Variants in IGF2R observed in about 807,000 individuals in gnomAD.
IGF2R encodes insulin like growth factor 2 receptor.
A neutral mutation model predicts 270.6 loss-of-function variants in IGF2R; 91 were observed. The ratio of observed to expected loss-of-function variants is 0.34; its 90% CI spans 0.28 to 0.40. IGF2R has a LOEUF of 0.40. Among genes scored for constraint, IGF2R ranks in the 10% least tolerant of loss-of-function variants. The pLI is 1.00. For synonymous variants in IGF2R, 1,316 were observed against 1,258.9 expected (o/e 1.05, Z -0.96); for missense variants, 2,805 against 3,188.3 (o/e 0.88, Z 2.90).
intron 11 of IGF2R, among the ~76,000 whole-genome samples, chr6:160,042,791 C>T (rs1360418376): frequency 1.3e-5 from 2 of 152,214 alleles, no homozygotes; most frequent in African/African-American, 4.8e-5. Flanking sequence ...TGATGTACCA[C>T]TCTACTGCGT....
intron 29 of IGF2R, among the ~76,000 whole-genome samples, chr6:160,065,814 G>GTGTGTGCATATATATATATATA: frequency 1.3e-5 from 1 of 78,392 alleles, no homozygotes; most frequent in Non-Finnish European, 2.3e-5. Flanking sequence ...GTGTGTGTGT[G>GTGTGTGCATATATATATATATA]TATATATATA....
intron 1 of IGF2R, among the ~76,000 whole-genome samples, chr6:159,985,934 C>T (rs1783875292): frequency 2.0e-5 from 3 of 152,180 alleles, no homozygotes; most frequent in East Asian, 3.8e-4. Context: ...GAAGAACCAG[C>T]GTTCTTGGAA....
chr6:160,085,264 G>A lies in IGF2R; in HGVS notation c.6205+133G>A, dbSNP rs1779075538. On this transcript the variant is annotated intron_variant, in intron 41 of 47. Coordinates refer to ENST00000356956, the MANE Select transcript of IGF2R (RefSeq NM_000876.4). ...CCTCCAGATATGATTGCCTGTCACT[G>A]TCTCACAGGCATTTTGGCTCTCCTG... 3.3e-6 allele frequency: 3 copies of A among 914,262 alleles called. No homozygotes were observed. In the East Asian group the frequency reaches 8.0e-5, roughly 24 times the overall value. The allele number at this position is 914,262 out of a possible 1,614,324, so 56.6% of individuals were successfully genotyped here. A position where few individuals can be genotyped will look rare whatever the true frequency, so the allele number is the denominator to read the frequency against.
chr6:160,041,037 A>G (rs542206665), intron 11 of IGF2R, among the ~76,000 whole-genome samples: 1 of 152,048 alleles, frequency 6.6e-6, no homozygotes, highest in Non-Finnish European at 1.5e-5. Flanking sequence ...AGGCAGATGG[A>G]TGTGCACCTT....
intron 3 of IGF2R, 78 bp downstream of exon 3, chr6:160,009,212 T>C (rs1784294847): frequency 2.3e-6 from 3 of 1,288,466 alleles, no homozygotes; most frequent in Admixed American, 5.0e-5. Flanking sequence ...TGTAGAGGTA[T>C]TCCAGGAAGA....
At chr6:160,065,780 GTA>G (rs200509960) in intron 29 of IGF2R, among the ~76,000 whole-genome samples, 4,834 of 103,214 alleles carry the variant, frequency 0.047, 115 homozygotes, top group Non-Finnish European at 0.064. Context: ...AGAGATATGT[GTA>G]TGTGTGTGTG....
At chr6:160,090,958 G>A (rs1274573218) in intron 44 of IGF2R, among the ~76,000 whole-genome samples, 2 of 148,502 alleles carry the variant, frequency 1.3e-5, no homozygotes, top group Non-Finnish European at 3.0e-5. Flanking sequence ...TCGCCGAGAA[G>A]GAGCGGGTGC....
At chr6:159,973,676 A>G (rs1783646843) in intron 1 of IGF2R, among the ~76,000 whole-genome samples, 1 of 152,164 alleles carries the variant, frequency 6.6e-6, no homozygotes, top group Admixed American at 6.5e-5. Flanking sequence ...GTTGTTAATT[A>G]TGGTTACATT....
intron 46 of IGF2R, 51 bp from the exon 47 acceptor site, chr6:160,103,695 G>C (rs1016400736): frequency 1.4e-6 from 2 of 1,381,114 alleles, no homozygotes; most frequent in Admixed American, 1.7e-5. Context: ...TGGGGCTCCT[G>C]CCCATGCCCT....
At chr6:160,015,450 A>T (rs527463032) in intron 4 of IGF2R, among the ~76,000 whole-genome samples, 1 of 152,212 alleles carries the variant, frequency 6.6e-6, no homozygotes, top group African/African-American at 2.4e-5. Flanking sequence ...TCTTGCTGTG[A>T]TGCGGAAGTT....
intron 43 of IGF2R, among the ~76,000 whole-genome samples, chr6:160,089,494 C>T (rs1054229237): frequency 2.0e-5 from 3 of 152,244 alleles, no homozygotes; most frequent in African/African-American, 4.8e-5. Flanking sequence ...TTCTCCCTCT[C>T]TTCATGATAA....
chr6:159,997,360 C>T (rs1451369228), intron 2 of IGF2R, among the ~76,000 whole-genome samples: 1 of 152,178 alleles, frequency 6.6e-6, no homozygotes, highest in Non-Finnish European at 1.5e-5. Context: ...GATACGGAGA[C>T]ATCAGTGCTG....
rs1779029630 is a variant in IGF2R, at chr6:160,083,460, C to G, written c.5834-490C>G. 2.0e-5 allele frequency among the ~76,000 whole-genome samples: 3 copies of G among 152,216 alleles called. No homozygotes were observed. In the South Asian group the frequency reaches 6.2e-4, roughly 32 times the overall value. Reference sequence around the variant, plus strand: ...CATCTCACCTGCAAGAGGCTTTCCTCTTTTACTAATCCACCTCAGCACAGA... The same window carrying G: ...CATCTCACCTGCAAGAGGCTTTCCTGTTTTACTAATCCACCTCAGCACAGA... On this transcript the variant is annotated intron_variant, in intron 39 of 47. Transcript: ENST00000356956.
intron 2 of IGF2R, chr6:160,003,198 T>C (rs1784156951): frequency 6.6e-6 from 1 of 152,240 alleles, no homozygotes; most frequent in Non-Finnish European, 1.5e-5. Flanking sequence ...CAGCAGGCAC[T>C]GGATTGATCA....
At position 160,061,795 on chromosome 6, in the gene IGF2R, G is replaced by A. The variant is rs762393487; in HGVS notation, c.3449G>A (p.Trp1150Ter). 1 of 1,614,190 alleles carries A rather than the reference G, an allele frequency of 6.2e-7. No homozygotes were observed. The highest frequency in any genetic ancestry group is 8.5e-7 in the Non-Finnish European group (1 of 1,180,034). ...TGCTTAGTGTCAGAAGGCAATAGCT[G>A]GAATCTGGGTGTGGTGCAGATGAGT... is the stretch of plus-strand genomic sequence containing the variant. ...GSCLVSEGNS[W>*]NLGVVQMSPQ... is the part of the protein sequence containing the mutation. The change falls in exon 25 of 48, where the codon TGG becomes TAG. Residue 1150 changes from tryptophan to a stop codon, truncating the protein, a stop_gained. Transcript: ENST00000356956. LOFTEE classifies it high-confidence loss of function.
At chr6:160,051,967 T>C (rs6901641) in intron 19 of IGF2R, among the ~76,000 whole-genome samples, 1,755 of 147,612 alleles carry the variant, frequency 0.012, 34 homozygotes, top group African/African-American at 0.042. Context: ...AAAAAAAAAT[T>C]GGGAGGCAGA....
chr6:160,033,174 G>T, intron 9 of IGF2R, 67 bp downstream of exon 9: 2 of 1,214,098 alleles, frequency 1.6e-6, no homozygotes, highest in African/African-American at 3.0e-5. Context: ...TTGCACTCTG[G>T]CGCCCAGGCT....
chr6:160,033,502 T>G (rs1194283230), intron 9 of IGF2R, among the ~76,000 whole-genome samples: 1 of 152,262 alleles, frequency 6.6e-6, no homozygotes, highest in Non-Finnish European at 1.5e-5. Flanking sequence ...TCTTCCTCTT[T>G]CCATTTTCCG....
At chr6:160,007,729 T>C (rs1784266162) in intron 2 of IGF2R, 1 of 152,242 alleles carries the variant, frequency 6.6e-6, no homozygotes, top group African/African-American at 2.4e-5. Flanking sequence ...TTCTTGTTTG[T>C]TTGCATGTGA....
Sources: gnomAD v4.1 joint callset for allele counts (sites outside exome capture counted in the v4.1 genomes callset) on GRCh38, gnomAD v4.1.1 for gene constraint, MANE v1.5 for transcripts, NCBI Gene and HGNC (gene_info 2026-07-23, HGNC 2026-07-21) for gene names.